The following PIK3CB variants were observed in gnomAD, a reference collection of about 807,000 sequenced individuals.
PIK3CB encodes phosphatidylinositol-4,5-bisphosphate 3-kinase catalytic subunit beta.
PIK3CB carries 39 observed loss-of-function variants against 136.8 expected under a neutral mutation model. The ratio of observed to expected loss-of-function variants is 0.29; its 90% CI spans 0.22 to 0.37. PIK3CB has a LOEUF of 0.37. Among genes scored for constraint, PIK3CB ranks in the 10% least tolerant of loss-of-function variants. The pLI is 1.00. For synonymous variants in PIK3CB, 428 were observed against 436.6 expected (o/e 0.98, Z 0.25); for missense variants, 868 against 1,275.4 (o/e 0.68, Z 4.87).
At position 138,653,490 on chromosome 3, in the gene PIK3CB, T is replaced by C. The variant is rs73868107; in HGVS notation, c.*1899A>G. On this transcript the variant is annotated 3_prime_UTR_variant, in exon 24 of 24. Coordinates refer to ENST00000674063, the MANE Select transcript of PIK3CB (RefSeq NM_006219.3). ...GGAGACCCCTCTGGAAAGAATGGTA[T>C]CCATTTCTTCCTGGCAGTGTTCACC... is the stretch of plus-strand genomic sequence containing the variant. 3.3e-3 allele frequency: 588 copies of C among 179,618 alleles called. 3 individuals are homozygous for C. The highest frequency in any genetic ancestry group is 0.013 in the African/African-American group (531 of 42,420). The allele number at this position is 179,618 out of a possible 1,614,324, so 11.1% of individuals were successfully genotyped here. A position where few individuals can be genotyped will look rare whatever the true frequency, so the allele number is the denominator to read the frequency against.
In PIK3CB at chr3:138,699,036, C is replaced by T. The variant is rs1235117160; in HGVS notation, c.1641G>A (p.Leu547=). The T allele has an allele frequency of 1.2e-6, 2 of 1,602,160 alleles. No individual in the cohort carries two copies. Among genetic ancestry groups the T allele is most frequent in the South Asian group, 2.2e-5 (2 of 89,614 alleles). The change falls in exon 13 of 24, where the codon TTG becomes TTA. Residue 547 remains leucine, a synonymous_variant. Transcript: ENST00000674063. ...VLKEILDRDP[L]SQLCENEMDL... is the part of the protein sequence containing the mutation. ...CCATTTCATTTTCACACAGTTGAGA[C>T]AAGGGATCCCTGTCCAAGATTTCTT...
intron 2 of PIK3CB, among the ~76,000 whole-genome samples, chr3:138,781,610 G>C (rs1307074523): frequency 1.3e-5 from 2 of 152,138 alleles, no homozygotes; most frequent in Admixed American, 6.5e-5. Context: ...CCACCACCAC[G>C]CCTGGCTAAT....
At chr3:138,816,842 T>A (rs1222555488) in intron 1 of PIK3CB, among the ~76,000 whole-genome samples, 1 of 152,006 alleles carries the variant, frequency 6.6e-6, no homozygotes, top group East Asian at 1.9e-4. Context: ...ACACAAAAAA[T>A]CATTCTGAAA....
chr3:138,663,412 A>G, intron 21 of PIK3CB, among the ~76,000 whole-genome samples: 1 of 151,952 alleles, frequency 6.6e-6, no homozygotes, highest in Non-Finnish European at 1.5e-5. Flanking sequence ...ATGGAGTTTC[A>G]CTCTTGTTGC....
chr3:138,656,424 C>T (rs2043192986), intron 22 of PIK3CB, 150 bp from the exon 23 acceptor site: 9 of 751,806 alleles, frequency 1.2e-5, no homozygotes, highest in South Asian at 4.9e-5. Context: ...TTTACTTCTG[C>T]GAAAATTGTC....
chr3:138,680,484 T>G (rs1012300394), intron 19 of PIK3CB, among the ~76,000 whole-genome samples: 2 of 152,170 alleles, frequency 1.3e-5, no homozygotes, highest in Non-Finnish European at 2.9e-5. Context: ...ACTATATCTT[T>G]GTGTATAAAT....
At position 138,682,138 on chromosome 3, in the gene PIK3CB, A is replaced by G. The variant is rs2108481579; in HGVS notation, c.2426-93T>C. The stretch of plus-strand genomic sequence containing the variant: ...GACTAACTCAGAATTAACTAAAAAC[A>G]TTAACAAACTCTGTGCTAATATTTT... On this transcript the variant is annotated intron_variant, in intron 18 of 23. Coordinates refer to ENST00000674063, the MANE Select transcript of PIK3CB (RefSeq NM_006219.3). The G allele has an allele frequency of 4.2e-6, 3 of 713,158 alleles. No individual in the cohort carries two copies. The East Asian group carries it at 8.1e-5, about 19-fold the overall frequency. The allele number at this position is 713,158 out of a possible 1,614,324, so 44.2% of individuals were successfully genotyped here.
At chr3:138,705,666 T>C (rs1383265491) in intron 11 of PIK3CB, among the ~76,000 whole-genome samples, 1 of 152,220 alleles carries the variant, frequency 6.6e-6, no homozygotes, top group Non-Finnish European at 1.5e-5. Flanking sequence ...TTATCTTAAG[T>C]ATTTATAAAG....
At chr3:138,691,230 G>C (rs1358820882) in intron 14 of PIK3CB, 87 bp from the exon 15 acceptor site, 1 of 1,221,258 alleles carries the variant, frequency 8.2e-7, no homozygotes, top group African/African-American at 1.5e-5. Context: ...ATGTGAACTT[G>C]TTGAAACACA....
intron 13 of PIK3CB, among the ~76,000 whole-genome samples, chr3:138,698,058 A>G (rs960892809): frequency 1.4e-4 from 22 of 152,214 alleles, no homozygotes; most frequent in Admixed American, 1.3e-3. Flanking sequence ...CACTAAAAGT[A>G]AACACAAAAG....
Position 138,713,274 on chromosome 3 carries a change from A to G in PIK3CB, c.1303-970T>C, listed in dbSNP as rs896938154. On this transcript the variant is annotated intron_variant, in intron 9 of 23. Transcript: ENST00000674063. ...GCAATTCTCCCACCTCAGCCTCCCAAAGTGTTGGGATTACAGGCGTGGGCC... is the reference window on the plus strand; with the variant it reads ...GCAATTCTCCCACCTCAGCCTCCCAGAGTGTTGGGATTACAGGCGTGGGCC... 2.6e-5 allele frequency among the ~76,000 whole-genome samples: 4 copies of G among 151,978 alleles called. No individual in the cohort carries two copies. The South Asian group carries it at 8.3e-4, about 32-fold the overall frequency.
intron 13 of PIK3CB, among the ~76,000 whole-genome samples, chr3:138,697,753 T>C (rs1386130741): frequency 6.6e-6 from 1 of 152,122 alleles, no homozygotes; most frequent in Non-Finnish European, 1.5e-5. Context: ...TTTTATTTTT[T>C]TGAGACAAGG....
chr3:138,760,633 A>C (rs1283525391), intron 2 of PIK3CB, among the ~76,000 whole-genome samples: 1 of 152,220 alleles, frequency 6.6e-6, no homozygotes, highest in Non-Finnish European at 1.5e-5. Context: ...GAGGCCGGGC[A>C]CAGTGGCCCA....
At chr3:138,727,591 A>C (rs2044868389) in intron 8 of PIK3CB, among the ~76,000 whole-genome samples, 1 of 152,140 alleles carries the variant, frequency 6.6e-6, no homozygotes, top group African/African-American at 2.4e-5. Context: ...TCAGAAGCAG[A>C]CTCTTTCAGA....
chr3:138,695,745 A>G (rs1177161486), intron 13 of PIK3CB, among the ~76,000 whole-genome samples: 1 of 151,868 alleles, frequency 6.6e-6, no homozygotes, highest in Admixed American at 6.6e-5. Context: ...ATATATTTAT[A>G]TAAATTGTTA....
At chr3:138,660,770 A>G (rs2043281997) in intron 21 of PIK3CB, among the ~76,000 whole-genome samples, 1 of 152,242 alleles carries the variant, frequency 6.6e-6, no homozygotes, top group Non-Finnish European at 1.5e-5. Context: ...CAAGTCCACA[A>G]TGAAGACATA....
At chr3:138,708,637 C>T (rs535142206) in intron 10 of PIK3CB, among the ~76,000 whole-genome samples, 7 of 148,172 alleles carry the variant, frequency 4.7e-5, no homozygotes, top group Non-Finnish European at 3.0e-5. Context: ...GAGACGGGGT[C>T]TTGCCACATT....
chr3:138,801,598 C>T (rs2046176711), intron 1 of PIK3CB, among the ~76,000 whole-genome samples: 1 of 151,866 alleles, frequency 6.6e-6, no homozygotes, highest in African/African-American at 2.4e-5. Flanking sequence ...TAGCCAGGCG[C>T]GGTAGCTCAC....
intron 10 of PIK3CB, among the ~76,000 whole-genome samples, chr3:138,710,226 G>C (rs1390177282): frequency 6.6e-6 from 1 of 151,996 alleles, no homozygotes; most frequent in East Asian, 1.9e-4. Context: ...AATATACACA[G>C]TTCTCCTACA....
Sources: allele counts gnomAD v4.1 joint callset (sites outside exome capture counted in the v4.1 genomes callset), GRCh38; gene constraint gnomAD v4.1.1; transcripts MANE v1.5; gene names NCBI Gene and HGNC (gene_info 2026-07-23, HGNC 2026-07-21).